The following PDE11A variants were observed in gnomAD, a reference collection of about 807,000 sequenced individuals.
The protein encoded by PDE11A is dual 3',5'-cyclic-AMP and -GMP phosphodiesterase 11A.
PDE11A carries 100 observed loss-of-function variants against 100.5 expected under a neutral mutation model. That is an observed-to-expected ratio of 1.00 (90% confidence interval 0.85 to 1.18). PDE11A has a LOEUF of 1.18. Ranked by LOEUF, PDE11A falls within the 50% of genes most tolerant of loss-of-function variation. The pLI is 0.00. For synonymous variants in PDE11A, 381 were observed against 420.8 expected (o/e 0.91, Z 1.16); for missense variants, 1,141 against 1,152.6 (o/e 0.99, Z 0.15).
intron 10 of PDE11A, among the ~76,000 whole-genome samples, chr2:177,734,842 A>G (rs2081750188): frequency 6.6e-6 from 1 of 152,188 alleles, no homozygotes; most frequent in African/African-American, 2.4e-5. Context: ...TGTTGTTGTT[A>G]TGCTCATTAT....
At chr2:177,929,345 G>T (rs1220302967) in intron 2 of PDE11A, among the ~76,000 whole-genome samples, 1 of 152,158 alleles carries the variant, frequency 6.6e-6, no homozygotes, top group Non-Finnish European at 1.5e-5. Flanking sequence ...ATCTCCATTT[G>T]CTGGGCAAAA....
intron 17 of PDE11A, among the ~76,000 whole-genome samples, chr2:177,673,158 A>T (rs532119834): frequency 1.3e-5 from 2 of 152,348 alleles, no homozygotes; most frequent in South Asian, 4.1e-4. Context: ...GCAAATGGAA[A>T]GGACTTGAAT....
chr2:177,640,851 G>C (rs914686471), intron 19 of PDE11A, among the ~76,000 whole-genome samples: 2 of 152,140 alleles, frequency 1.3e-5, no homozygotes, highest in Non-Finnish European at 1.5e-5. Flanking sequence ...CATCTATCTA[G>C]CTGTCCTACC....
intron 2 of PDE11A, among the ~76,000 whole-genome samples, chr2:177,905,703 C>A (rs1413374653): frequency 6.6e-6 from 1 of 152,178 alleles, no homozygotes; most frequent in Non-Finnish European, 1.5e-5. Context: ...TTTAAACATG[C>A]CTGTCAGGAT....
chr2:177,654,917 A>G (rs1394169737), intron 19 of PDE11A, among the ~76,000 whole-genome samples: 1 of 139,924 alleles, frequency 7.1e-6, no homozygotes, highest in Non-Finnish European at 1.6e-5. Context: ...AAGGCAAATA[A>G]GCTTTTAAAA....
At chr2:177,921,477 A>T (rs1266019686) in intron 2 of PDE11A, among the ~76,000 whole-genome samples, 1 of 149,782 alleles carries the variant, frequency 6.7e-6, no homozygotes, top group Admixed American at 6.6e-5. Context: ...AAAGCAAAAA[A>T]AAAAAAAGAA....
chr2:177,686,489 C>A (rs750150606), intron 15 of PDE11A, among the ~76,000 whole-genome samples: 1 of 151,960 alleles, frequency 6.6e-6, no homozygotes, highest in Admixed American at 6.6e-5. Context: ...ATAGATTGAG[C>A]CTGGGAAGTC....
At position 177,739,344 on chromosome 2, in the gene PDE11A, G is replaced by C. The variant is rs527811395; in HGVS notation, c.1789-11172C>G. The stretch of plus-strand genomic sequence containing the variant: ...GCTAATGGCAATAGTAGGCTACCTT[G>C]AGGATGAAGAGGATGGTGCAAAGCC... On this transcript the variant is annotated intron_variant, in intron 10 of 19. Transcript: ENST00000286063. 5.3e-5 allele frequency among the ~76,000 whole-genome samples: 8 copies of C among 152,274 alleles called. No homozygotes were observed. In the South Asian group the frequency reaches 1.2e-3, roughly 24 times the overall value.
intron 2 of PDE11A, among the ~76,000 whole-genome samples, chr2:177,943,693 A>G (rs147033929): frequency 2.6e-5 from 4 of 152,214 alleles, no homozygotes; most frequent in African/African-American, 9.6e-5. Context: ...TTTTCATTCT[A>G]TTCATTGTGT....
intron 2 of PDE11A, among the ~76,000 whole-genome samples, chr2:177,985,666 C>T (rs2105806132): frequency 6.6e-6 from 1 of 152,318 alleles, no homozygotes; most frequent in Middle Eastern, 3.4e-3. Context: ...CCAAACTTTG[C>T]ACTGTGTATC....
At chr2:178,069,803 GGACAGTAT>G (rs965349326) in intron 1 of PDE11A, among the ~76,000 whole-genome samples, 6 of 152,024 alleles carry the variant, frequency 3.9e-5, no homozygotes, top group African/African-American at 1.5e-4. Flanking sequence ...CTTAAAGAAA[GGACAGTAT>G]GAAATAAAGG....
intron 9 of PDE11A, among the ~76,000 whole-genome samples, chr2:177,776,896 G>A (rs1282875881): frequency 6.6e-6 from 1 of 152,106 alleles, no homozygotes; most frequent in Admixed American, 6.6e-5. Context: ...TAGGAACCTG[G>A]TGGGAGGTAA....
At chr2:177,969,312 T>G (rs1278926116) in intron 2 of PDE11A, among the ~76,000 whole-genome samples, 1 of 152,158 alleles carries the variant, frequency 6.6e-6, no homozygotes, top group African/African-American at 2.4e-5. Flanking sequence ...AAATACCTAA[T>G]GCATGTGGGG....
At position 177,898,128 on chromosome 2, in the gene PDE11A, A is replaced by T; in HGVS notation, c.1232T>A (p.Met411Lys). ...TDLEKIVKKI[M>K]HRAQTLLKCE... ...TTTCAGCAGAGTTTGGGCCCGATGC[A>T]TTATTTTCTTGACAATTTTCTCCAG... The change falls in exon 4 of 20, where the codon ATG becomes AAG. Residue 411 changes from methionine to lysine, a missense_variant. Met to Lys is a moderately conservative substitution (Grantham distance 95). Coordinates refer to ENST00000286063, the MANE Select transcript of PDE11A (RefSeq NM_016953.4). 1.9e-6 allele frequency: 3 copies of T among 1,611,358 alleles called. No individual in the cohort carries two copies. The highest frequency in any genetic ancestry group is 2.5e-6 in the Non-Finnish European group (3 of 1,177,468).
intron 2 of PDE11A, among the ~76,000 whole-genome samples, chr2:178,101,025 G>A (rs574507480): frequency 1.3e-5 from 2 of 152,290 alleles, no homozygotes; most frequent in East Asian, 3.9e-4. Flanking sequence ...TCTATCAACT[G>A]AAAATCCTAT....
intron 19 of PDE11A, among the ~76,000 whole-genome samples, chr2:177,654,686 G>A (rs1197730667): frequency 6.6e-6 from 1 of 152,042 alleles, no homozygotes; most frequent in African/African-American, 2.4e-5. Context: ...AGAATGTGAG[G>A]TTCTTATTTC....
rs1003350284 is a variant in PDE11A, at chr2:177,625,164, G to T, written c.*4243C>A. 1 of 152,604 alleles carries T rather than the reference G, an allele frequency of 6.6e-6. No homozygotes were observed. Among genetic ancestry groups the T allele is most frequent in the African/African-American group, 2.4e-5 (1 of 41,440 alleles). The allele number at this position is 152,604 out of a possible 1,614,324, so 9.5% of individuals were successfully genotyped here. On this transcript the variant is annotated 3_prime_UTR_variant, in exon 20 of 20. Coordinates refer to ENST00000286063, the MANE Select transcript of PDE11A (RefSeq NM_016953.4). ...CAAGATACATCTGTAGTATGATTGT[G>T]CTTACATCTACCCCATATATGTAAG...
At chr2:177,906,232 A>G (rs2084786387) in intron 2 of PDE11A, among the ~76,000 whole-genome samples, 3 of 152,092 alleles carry the variant, frequency 2.0e-5, no homozygotes, top group Admixed American at 2.0e-4. Context: ...AGAGGTAACA[A>G]GCGCTGGCAA....
chr2:177,971,149 A>C (rs999343653), intron 2 of PDE11A, among the ~76,000 whole-genome samples: 4 of 152,220 alleles, frequency 2.6e-5, no homozygotes, highest in African/African-American at 7.2e-5. Flanking sequence ...ACATTGCTGT[A>C]TAGAAAAACC....
Sources: gnomAD v4.1 joint callset for allele counts (sites outside exome capture counted in the v4.1 genomes callset) on GRCh38, gnomAD v4.1.1 for gene constraint, MANE v1.5 for transcripts, NCBI Gene and HGNC (gene_info 2026-07-23, HGNC 2026-07-21) for gene names.